Variants in FSTL4 observed in about 807,000 individuals in gnomAD.
The protein encoded by FSTL4 is follistatin-related protein 4.
Under a neutral mutation model 78.2 loss-of-function variants are expected in FSTL4, and 28 were observed. The ratio of observed to expected loss-of-function variants is 0.36; its 90% confidence interval spans 0.27 to 0.49. FSTL4 has a LOEUF of 0.49. Among genes scored for constraint, FSTL4 ranks in the 20% least tolerant of loss-of-function variants. The pLI is 0.98. For synonymous variants in FSTL4, 422 were observed against 440.5 expected (o/e 0.96, Z 0.53); for missense variants, 922 against 1,084.9 (o/e 0.85, Z 2.11).
rs182242417 is a variant in FSTL4, at chr5:133,429,184, G to A, written c.161-28198C>T. 6.2e-4 allele frequency among the ~76,000 whole-genome samples: 95 copies of A among 152,216 alleles called. 1 individual carries two copies. Among genetic ancestry groups the A allele is most frequent in the African/African-American group, 2.2e-3 (91 of 41,534 alleles). On this transcript the variant is annotated intron_variant, in intron 3 of 15. Coordinates refer to ENST00000265342, the MANE Select transcript of FSTL4 (RefSeq NM_015082.2). The stretch of plus-strand genomic sequence containing the variant: ...GGCTCACATCAGCAGAAATCTGCTC[G>A]TAGGACGCCCACAGCCCATGGAATC...
At chr5:133,278,740 G>A (rs1752944934) in intron 6 of FSTL4, among the ~76,000 whole-genome samples, 1 of 152,198 alleles carries the variant, frequency 6.6e-6, no homozygotes, top group South Asian at 2.1e-4. Context: ...CAATAGGTCT[G>A]CAGGCCACTG....
intron 6 of FSTL4, among the ~76,000 whole-genome samples, chr5:133,311,573 C>A (rs914742883): frequency 6.6e-6 from 1 of 152,216 alleles, no homozygotes; most frequent in East Asian, 1.9e-4. Flanking sequence ...ACAAGGATCC[C>A]TCTTCAGGCC....
chr5:133,499,633 TA>T (rs1405311295), intron 3 of FSTL4, among the ~76,000 whole-genome samples: 3 of 152,144 alleles, frequency 2.0e-5, no homozygotes, highest in Non-Finnish European at 4.4e-5. Flanking sequence ...AGCACACTCT[TA>T]CATGATTTTC....
At chr5:133,455,832 A>G (rs1757476547) in intron 3 of FSTL4, among the ~76,000 whole-genome samples, 1 of 152,250 alleles carries the variant, frequency 6.6e-6, no homozygotes, top group Admixed American at 6.5e-5. Flanking sequence ...GCCTGAGGAC[A>G]TGGACTTCTG....
chr5:133,413,191 C>T (rs986981433), intron 3 of FSTL4, among the ~76,000 whole-genome samples: 30 of 152,118 alleles, frequency 2.0e-4, no homozygotes, highest in African/African-American at 4.8e-4. Flanking sequence ...CCTTTCCTGA[C>T]GTAACTATAT....
At chr5:133,761,377 A>G in the FSTL4 span, among the ~76,000 whole-genome samples, 1 of 152,234 alleles carries the variant, frequency 6.6e-6, no homozygotes, top group African/African-American at 2.4e-5. Flanking sequence ...AATAAATTTT[A>G]TTCTAACATT....
the FSTL4 span, among the ~76,000 whole-genome samples, chr5:133,676,429 T>C: frequency 1.3e-5 from 2 of 152,234 alleles, no homozygotes; most frequent in African/African-American, 2.4e-5. Context: ...CTGTTTCTAA[T>C]AGGGCTTTTT....
At chr5:133,560,132 A>T (rs1024115933) in intron 3 of FSTL4, among the ~76,000 whole-genome samples, 1 of 152,214 alleles carries the variant, frequency 6.6e-6, no homozygotes, top group Non-Finnish European at 1.5e-5. Flanking sequence ...GAGCTGTCCC[A>T]GGGCAAAGGC....
At chr5:133,750,565 C>T in the FSTL4 span, among the ~76,000 whole-genome samples, 1 of 152,138 alleles carries the variant, frequency 6.6e-6, no homozygotes, top group Non-Finnish European at 1.5e-5. Flanking sequence ...GAATCACAGG[C>T]TCGGGTCAGG....
chr5:133,736,473 A>T, the FSTL4 span, among the ~76,000 whole-genome samples: 10 of 152,356 alleles, frequency 6.6e-5, no homozygotes, highest in Admixed American at 4.6e-4. Context: ...ATTTAAAGCC[A>T]CAACCTTGAT....
chr5:133,386,767 T>C (rs1054770597), intron 4 of FSTL4, among the ~76,000 whole-genome samples: 4 of 152,072 alleles, frequency 2.6e-5, no homozygotes, highest in Non-Finnish European at 5.9e-5. Context: ...CCGAGAAATA[T>C]GGACGTTTTT....
chr5:133,542,683 A>T (rs929909098), intron 3 of FSTL4, among the ~76,000 whole-genome samples: 1 of 151,470 alleles, frequency 6.6e-6, no homozygotes, highest in African/African-American at 2.4e-5. Flanking sequence ...GTTTGGACAA[A>T]TTTTTTTTTC....
intron 3 of FSTL4, among the ~76,000 whole-genome samples, chr5:133,509,870 C>T (rs1758689124): frequency 6.6e-6 from 1 of 152,236 alleles, no homozygotes; most frequent in Non-Finnish European, 1.5e-5. Context: ...AGAGCCTTGA[C>T]CCTGAAATGC....
intron 3 of FSTL4, among the ~76,000 whole-genome samples, chr5:133,553,118 C>G (rs1037062482): frequency 7.9e-5 from 12 of 152,120 alleles, no homozygotes; most frequent in African/African-American, 2.2e-4. Flanking sequence ...CTCCAGGGGG[C>G]GCGGGAGAGA....
At chr5:133,579,024 C>T (rs1252557419) in intron 2 of FSTL4, among the ~76,000 whole-genome samples, 2 of 152,242 alleles carry the variant, frequency 1.3e-5, no homozygotes, top group African/African-American at 2.4e-5. Context: ...TCTAACTCAG[C>T]ACCCTGAGGA....
chr5:133,362,226 C>T (rs1755088177), intron 4 of FSTL4, among the ~76,000 whole-genome samples: 1 of 152,144 alleles, frequency 6.6e-6, no homozygotes, highest in Non-Finnish European at 1.5e-5. Context: ...CCACTGTGGT[C>T]TTGCATATTG....
At chr5:133,546,793 G>A (rs949167137) in intron 3 of FSTL4, among the ~76,000 whole-genome samples, 24 of 152,098 alleles carry the variant, frequency 1.6e-4, no homozygotes, top group Non-Finnish European at 2.8e-4. Flanking sequence ...ACATTCCAGC[G>A]TAGCACTCCT....
At chr5:133,687,110 G>C in the FSTL4 span, among the ~76,000 whole-genome samples, 1 of 152,314 alleles carries the variant, frequency 6.6e-6, no homozygotes, top group Admixed American at 6.5e-5. Flanking sequence ...CTGTGGCCCA[G>C]GGCAAGTGTC....
At chr5:133,683,080 A>G in the FSTL4 span, among the ~76,000 whole-genome samples, 3 of 151,852 alleles carry the variant, frequency 2.0e-5, no homozygotes, top group Non-Finnish European at 4.4e-5. Context: ...GAGATTTGAC[A>G]TGGTCCATAT....
Sources: gnomAD v4.1 joint callset for allele counts (sites outside exome capture counted in the v4.1 genomes callset) on GRCh38, gnomAD v4.1.1 for gene constraint, MANE v1.5 for transcripts, NCBI Gene and HGNC (gene_info 2026-07-23, HGNC 2026-07-21) for gene names.